NCAPG: variants seen among roughly 807,000 people sequenced by gnomAD.
NCAPG encodes the protein condensin complex subunit 3.
In NCAPG, 69 loss-of-function variants were observed where a neutral mutation model predicts 113.1. That is an observed-to-expected ratio of 0.61 (90% CI 0.50 to 0.75). NCAPG has a LOEUF of 0.75. Among genes scored for constraint, NCAPG ranks in the 30% least tolerant of loss-of-function variants. NCAPG has a pLI of 0.00. For synonymous variants in NCAPG, 370 were observed against 415.8 expected, an observed-to-expected ratio of 0.89 and a Z score of 1.34; for missense variants, 1,058 against 1,177.0, an observed-to-expected ratio of 0.90 and a Z score of 1.48.
intron 10 of NCAPG, 64 bp downstream of exon 10, chr4:17,825,121 C>G (rs1205213248): frequency 1.7e-6 from 2 of 1,210,556 alleles, no homozygotes; most frequent in Admixed American, 2.0e-5. Flanking sequence ...CTATTCTTTC[C>G]TCTTGCTGTG....
rs1722255460 is a variant in NCAPG at position 17,839,666 on chromosome 4, AATTT to A, written c.2467-9_2467-6del. The A allele has an allele frequency of 6.8e-7, 1 of 1,479,496 alleles. No individual in the cohort carries two copies. Among genetic ancestry groups the A allele is most frequent in the Non-Finnish European group, 9.0e-7 (1 of 1,117,024 alleles). 91.6% of individuals were successfully genotyped at this position (1,479,496 alleles called of 1,614,324 possible). ...TTCAATTTACAGAGAATTTTCTCTT[AATTT>A]TTTAGGCCTTAACAGTACATGACAA... On this transcript the variant is annotated splice_region_variant and splice_polypyrimidine_tract_variant and intron_variant, in intron 16 of 20. Coordinates refer to ENST00000251496, the MANE Select transcript of NCAPG (RefSeq NM_022346.5).
In NCAPG at chr4:17,814,896, A is replaced by T. The variant is rs1316014637; in HGVS notation, c.588A>T (p.Arg196Ser). Residue 196 changes from arginine (R) to serine (S), a missense_variant, in exon 4 of 21, where the codon AGA (arginine) becomes AGT (serine). Arg to Ser is a moderately radical substitution (Grantham distance 110). Coordinates refer to ENST00000251496, the MANE Select transcript of NCAPG (RefSeq NM_022346.5). ...LIENDSNPEV[R>S]RAVLSCIAPS... ...AAAATGATTCAAATCCAGAAGTTAGACGGGCAGTGTTATCATGTATTGCAC... is the reference window on the plus strand; with the variant it reads ...AAAATGATTCAAATCCAGAAGTTAGTCGGGCAGTGTTATCATGTATTGCAC... 6.2e-7 allele frequency: 1 copy of T among 1,614,070 alleles called. No homozygotes were observed. The highest frequency in any genetic ancestry group is 1.3e-5 in the African/African-American group (1 of 74,944).
chr4:17,821,817 T>TA (rs2109049874), intron 7 of NCAPG, among the ~76,000 whole-genome samples: 1 of 152,256 alleles, frequency 6.6e-6, no homozygotes, highest in Non-Finnish European at 1.5e-5. Context: ...TTTTTCATGT[T>TA]ACTTCCATCT....
chr4:17,818,344 G>A (rs1721305239), intron 7 of NCAPG, among the ~76,000 whole-genome samples: 1 of 152,054 alleles, frequency 6.6e-6, no homozygotes, highest in South Asian at 2.1e-4. Context: ...GCATAAAGTT[G>A]ATGATGATGA....
At chr4:17,815,729 G>A (rs1165606981) in intron 5 of NCAPG, among the ~76,000 whole-genome samples, 3 of 152,092 alleles carry the variant, frequency 2.0e-5, no homozygotes, top group Non-Finnish European at 4.4e-5. Context: ...TCACCATGTT[G>A]GCCAGACTGG....
intron 13 of NCAPG, among the ~76,000 whole-genome samples, chr4:17,832,852 A>G (rs1365992085): frequency 6.6e-6 from 1 of 152,150 alleles, no homozygotes; most frequent in Non-Finnish European, 1.5e-5. Context: ...AGTGAAGATA[A>G]TATTTTAAAG....
Position 17,843,488 on chromosome 4 carries a change from A to C in NCAPG, c.*63A>C. On this transcript the variant is annotated 3_prime_UTR_variant, in exon 21 of 21. Coordinates refer to ENST00000251496, the MANE Select transcript of NCAPG (RefSeq NM_022346.5). ...CAGTTATTTGCTTTAATAAAGAAGA[A>C]GTTACCCTTGTCAAAATCAGAACAA... The C allele has an allele frequency of 6.4e-7, 1 of 1,562,264 alleles. No homozygotes were observed. The highest frequency in any genetic ancestry group is 8.7e-7 in the Non-Finnish European group (1 of 1,146,648).
intron 19 of NCAPG, chr4:17,841,177 G>GA (rs1381415671): frequency 1.3e-5 from 2 of 151,726 alleles, no homozygotes; most frequent in Non-Finnish European, 3.0e-5. Context: ...GGGTCACTTG[G>GA]AAAAAAATCT....
chr4:17,841,135 A>C (rs1300674519), intron 19 of NCAPG: 1 of 151,958 alleles, frequency 6.6e-6, no homozygotes, highest in Non-Finnish European at 1.5e-5. Flanking sequence ...ACAATAGGGG[A>C]TCTGTTGGCA....
chr4:17,839,526 G>C (rs1429807246), intron 16 of NCAPG, 150 bp from the exon 17 acceptor site: 20 of 499,922 alleles, frequency 4.0e-5, no homozygotes, highest in African/African-American at 3.2e-4. Context: ...GCTTATTTTG[G>C]GGGTAGGGAG....
Position 17,839,759 on chromosome 4 carries a change from T to C in NCAPG, c.2550T>C (p.Tyr850=), listed in dbSNP as rs766416641. 1.8e-5 allele frequency: 28 copies of C among 1,584,898 alleles called. No homozygotes were observed. Among genetic ancestry groups the C allele is most frequent in the Non-Finnish European group, 2.3e-5 (27 of 1,173,230 alleles). The part of the protein sequence containing the change: ...TSPCSPEIRV[Y]TKALSSLELS... Reference sequence around the variant, plus strand: ...CGTGCTCGCCAGAAATTCGAGTCTATACAAAAGCCTTGAGTTCTTTAGAAC... The same window carrying C: ...CGTGCTCGCCAGAAATTCGAGTCTACACAAAAGCCTTGAGTTCTTTAGAAC... Residue 850 remains tyrosine (Y), a synonymous_variant, in exon 17 of 21, where the codon TAT becomes TAC. Transcript: ENST00000251496.
chr4:17,837,713 T>C lies in NCAPG; in HGVS notation c.2378T>C (p.Ile793Thr), dbSNP rs1402457322. The change falls in exon 16 of 21, where the codon ATT (isoleucine) becomes ACT (threonine). Residue 793 changes from isoleucine to threonine, a missense_variant. Ile to Thr is a moderately conservative substitution (Grantham distance 89, BLOSUM62 -1). Transcript: ENST00000251496. ...CCTGCATCTTCTCCTTTAGCTGAAA[T>C]TGATATCACAAATGTTGCTGAGTTA... The part of the protein sequence containing the change: ...NAPASSPLAE[I>T]DITNVAELLV... The C allele has an allele frequency of 4.3e-6, 7 of 1,613,922 alleles. No homozygotes were observed. The highest frequency in any genetic ancestry group is 5.9e-6 in the Non-Finnish European group (7 of 1,179,924).
chr4:17,817,082 C>T (rs1400558209), intron 5 of NCAPG, 179 bp from the exon 6 acceptor site: 4 of 499,820 alleles, frequency 8.0e-6, no homozygotes, highest in Non-Finnish European at 1.0e-5. Context: ...CACTGCACTC[C>T]AGCCTGGTGA....
Position 17,815,335 on chromosome 4 carries a change from A to G in NCAPG, c.752A>G (p.Gln251Arg). ...ATTGCTCAGAGAGTAATGCTCCTTC[A>G]ACAAGGTCTTAATGACAGATCAGGT... ...MSIAQRVMLL[Q>R]QGLNDRSDAV... Residue 251 changes from glutamine to arginine, a missense_variant, in exon 5 of 21, where the codon CAA becomes CGA. Transcript: ENST00000251496. The G allele has an allele frequency of 1.3e-6, 2 of 1,585,498 alleles. No homozygotes were observed. The highest frequency in any genetic ancestry group is 1.7e-6 in the Non-Finnish European group (2 of 1,173,344).
At chr4:17,817,751 GTTTGCTTA>G (rs1276321105) in intron 6 of NCAPG, among the ~76,000 whole-genome samples, 180 bp from the exon 7 acceptor site, 2 of 152,098 alleles carry the variant, frequency 1.3e-5, no homozygotes, top group African/African-American at 2.4e-5. Flanking sequence ...CCTAGTATAT[GTTTGCTTA>G]TTTGGTTCTT....
Position 17,842,336 on chromosome 4 carries a change from A to G in NCAPG, c.2881A>G (p.Arg961Gly). Residue 961 changes from arginine (R) to glycine (G), a missense_variant, in exon 20 of 21, where the codon AGG becomes GGG. Physicochemically the swap from Arg to Gly is moderately radical, Grantham distance 125 (BLOSUM62 -2). Coordinates refer to ENST00000251496, the MANE Select transcript of NCAPG (RefSeq NM_022346.5). ...RGQRKVTVSARTNRRCQTAEA... is the reference protein window; with the variant it reads ...RGQRKVTVSAGTNRRCQTAEA... ...ACAGAGAAAAGTGACAGTTTCAGCTAGGACGAACAGGAGGTGTCAGACTGC... is the reference window on the plus strand; with the variant it reads ...ACAGAGAAAAGTGACAGTTTCAGCTGGGACGAACAGGAGGTGTCAGACTGC... 1 of 1,612,228 alleles carries G rather than the reference A, an allele frequency of 6.2e-7. No homozygotes were observed. The highest frequency in any genetic ancestry group is 8.5e-7 in the Non-Finnish European group (1 of 1,178,536).
intron 20 of NCAPG, chr4:17,842,974 C>G: frequency 5.8e-6 from 1 of 173,512 alleles, no homozygotes; most frequent in South Asian, 1.6e-4. Context: ...TTTGTCACTT[C>G]TTGAGTTTCA....
chr4:17,816,362 C>A (rs751539379), intron 5 of NCAPG, among the ~76,000 whole-genome samples: 2 of 152,162 alleles, frequency 1.3e-5, no homozygotes, highest in Non-Finnish European at 2.9e-5. Flanking sequence ...TCCTCCTGTG[C>A]GGCCCGGTTC....
chr4:17,817,784 T>G (rs1721274650), intron 6 of NCAPG, among the ~76,000 whole-genome samples, 155 bp from the exon 7 acceptor site: 1 of 152,242 alleles, frequency 6.6e-6, no homozygotes, highest in Admixed American at 6.5e-5. Flanking sequence ...GTTCTAAGTT[T>G]CTTCATTCCT....
Sources: gnomAD v4.1 joint callset for allele counts (sites outside exome capture counted in the v4.1 genomes callset) on GRCh38, gnomAD v4.1.1 for gene constraint, MANE v1.5 for transcripts, NCBI Gene and HGNC (gene_info 2026-07-23, HGNC 2026-07-21) for gene names.